The following KAZN variants were observed in gnomAD, a reference collection of about 807,000 sequenced individuals.
The protein encoded by KAZN is kazrin, periplakin interacting protein, also known as kazrin.
A neutral mutation model predicts 87.4 loss-of-function variants in KAZN; 40 were observed. That is an observed-to-expected ratio of 0.46 (90% CI 0.36 to 0.60). KAZN has a LOEUF of 0.60. KAZN is among the 20% of genes least tolerant of loss of function. The pLI, the probability that KAZN is intolerant of heterozygous loss-of-function variation, is 0.00. For missense variants in KAZN, 898 were observed against 1,073.9 expected (o/e 0.84, Z 2.29); for synonymous variants, 466 against 458.3 (o/e 1.02, Z -0.22).
intron 2 of KAZN, among the ~76,000 whole-genome samples, chr1:14,380,743 G>T (rs114235176): frequency 6.6e-6 from 1 of 152,014 alleles, no homozygotes; most frequent in East Asian, 1.9e-4. Context: ...GCCCCAAAAG[G>T]GCAAATCTAA....
intron 2 of KAZN, among the ~76,000 whole-genome samples, chr1:14,514,375 A>ATATATATTATATATATT (rs1491445643): frequency 1.4e-4 from 2 of 14,450 alleles, no homozygotes; most frequent in South Asian, 2.5e-3. Context: ...TTATATATAT[A>ATATATATTATATATATT]ATATATATAT....
chr1:15,060,353 G>T (rs1053931545), intron 6 of KAZN, 51 bp downstream of exon 6: 1 of 1,609,824 alleles, frequency 6.2e-7, no homozygotes, highest in Non-Finnish European at 8.5e-7. Context: ...CCCAGAAACT[G>T]CAGGGGCGGG....
intron 1 of KAZN, among the ~76,000 whole-genome samples, chr1:14,759,757 C>T (rs1644683594): frequency 6.6e-6 from 1 of 152,126 alleles, no homozygotes; most frequent in Admixed American, 6.5e-5. Context: ...GAGAACAGGT[C>T]GGTGTCCATG....
intron 1 of KAZN, among the ~76,000 whole-genome samples, chr1:14,069,899 G>C (rs1036360780): frequency 1.3e-5 from 2 of 152,072 alleles, no homozygotes; most frequent in African/African-American, 2.4e-5. Context: ...GGCTGGGTGC[G>C]GTGGCTCACG....
Position 14,006,320 on chromosome 1 carries a change from T to G in KAZN, c.91+112564T>G, listed in dbSNP as rs1206793973. ...AGCTGCCTTACAAGTATGGCACCAG[T>G]GTCTGCTTCTGGTGAGTCCTCAGGA... On this transcript the variant is annotated intron_variant, in intron 1 of 16. Transcript: ENST00000636203. Among the ~76,000 whole-genome samples, 3 of 152,166 alleles carry G rather than the reference T, an allele frequency of 2.0e-5. No homozygotes were observed. The East Asian group carries it at 5.8e-4, about 29-fold the overall frequency.
chr1:14,745,387 C>A (rs1644235723), intron 1 of KAZN, among the ~76,000 whole-genome samples: 2 of 152,048 alleles, frequency 1.3e-5, no homozygotes, highest in Non-Finnish European at 1.5e-5. Context: ...AATAAAGAAT[C>A]CCCTGGCACA....
At chr1:15,065,575 AGCTTG>A in intron 7 of KAZN, 50 bp from the exon 8 acceptor site, 1 of 1,486,888 alleles carries the variant, frequency 6.7e-7, no homozygotes, top group Non-Finnish European at 9.2e-7. Flanking sequence ...ACCCCAGCTA[AGCTTG>A]GCTTTCTTCT....
At chr1:14,038,526 TTGC>T (rs1641661407) in intron 1 of KAZN, among the ~76,000 whole-genome samples, 2 of 152,088 alleles carry the variant, frequency 1.3e-5, no homozygotes, top group Admixed American at 6.5e-5. Flanking sequence ...GGGCTCCAGG[TTGC>T]CCTCCTTTTC....
intron 2 of KAZN, among the ~76,000 whole-genome samples, chr1:14,382,888 C>T (rs1661500678): frequency 1.3e-5 from 2 of 151,962 alleles, no homozygotes; most frequent in Non-Finnish European, 1.5e-5. Context: ...CCTGAGAAAT[C>T]GCCACACTGA....
chr1:13,959,282 T>A (rs1313246887), intron 1 of KAZN, among the ~76,000 whole-genome samples: 7 of 152,108 alleles, frequency 4.6e-5, no homozygotes, highest in Non-Finnish European at 2.9e-5. Context: ...ATCTTAGACT[T>A]CCCAGCCTCC....
chr1:14,549,460 C>A (rs894609800), intron 2 of KAZN, among the ~76,000 whole-genome samples: 2 of 152,130 alleles, frequency 1.3e-5, no homozygotes, highest in African/African-American at 2.4e-5. Context: ...TCTGGGCCCC[C>A]CCTTATCCAT....
chr1:14,376,802 A>T (rs1556083), intron 2 of KAZN, among the ~76,000 whole-genome samples: 1 of 152,138 alleles, frequency 6.6e-6, no homozygotes, highest in Admixed American at 6.5e-5. Context: ...TCAATAAAAG[A>T]AGACAAGCAG....
At chr1:14,782,575 A>G (rs1408725597) in intron 1 of KAZN, among the ~76,000 whole-genome samples, 3 of 150,696 alleles carry the variant, frequency 2.0e-5, no homozygotes, top group African/African-American at 4.9e-5. Flanking sequence ...AAAAAAAAAA[A>G]AAAGAAAAGA....
At chr1:14,293,223 C>A (rs1223921055) in intron 2 of KAZN, among the ~76,000 whole-genome samples, 2 of 152,182 alleles carry the variant, frequency 1.3e-5, no homozygotes, top group African/African-American at 2.4e-5. Flanking sequence ...CGAAGGGAAC[C>A]AATATTTAGA....
chr1:14,715,491 C>T (rs1196479502), intron 1 of KAZN, among the ~76,000 whole-genome samples: 2 of 152,220 alleles, frequency 1.3e-5, no homozygotes, highest in Admixed American at 1.3e-4. Context: ...AAGCCGGCAG[C>T]GCACACATCA....
intron 2 of KAZN, among the ~76,000 whole-genome samples, chr1:14,456,179 C>T (rs1667555938): frequency 6.6e-6 from 1 of 152,236 alleles, no homozygotes; most frequent in African/African-American, 2.4e-5. Context: ...CATTGCCCCC[C>T]AAACCCTAGC....
intron 1 of KAZN, among the ~76,000 whole-genome samples, chr1:14,134,812 CATAAACA>C (rs1557503470): frequency 6.6e-6 from 1 of 152,098 alleles, no homozygotes; most frequent in East Asian, 1.9e-4. Context: ...TTATTAATCA[CATAAACA>C]AGTTGCCAGC....
At chr1:14,010,794 C>T (rs1174035754) in intron 1 of KAZN, among the ~76,000 whole-genome samples, 2 of 152,322 alleles carry the variant, frequency 1.3e-5, no homozygotes, top group African/African-American at 4.8e-5. Context: ...GAAAGCCTGA[C>T]AGCTTCATGG....
chr1:14,325,308 T>G (rs1015191550), intron 2 of KAZN, among the ~76,000 whole-genome samples: 1 of 152,216 alleles, frequency 6.6e-6, no homozygotes, highest in Admixed American at 6.5e-5. Context: ...TAAATTATTT[T>G]GTATTTGATG....
Sources: gnomAD v4.1 joint callset for allele counts (sites outside exome capture counted in the v4.1 genomes callset) on GRCh38, gnomAD v4.1.1 for gene constraint, MANE v1.5 for transcripts, NCBI Gene and HGNC (gene_info 2026-07-23, HGNC 2026-07-21) for gene names.